The following AKAP6 variants were observed in gnomAD, a reference collection of about 807,000 sequenced individuals.
The protein encoded by AKAP6 is A-kinase anchoring protein 6.
In AKAP6, 58 loss-of-function variants were observed where a neutral mutation model predicts 188.5. That is an observed-to-expected ratio of 0.31 (90% CI 0.25 to 0.38). The LOEUF is 0.38. Ranked by LOEUF, AKAP6 falls within the 10% of genes least tolerant of loss-of-function variation. AKAP6 has a pLI of 1.00. For synonymous variants in AKAP6, 989 were observed against 998.6 expected (o/e 0.99, Z 0.18); for missense variants, 2,710 against 2,740.0 (o/e 0.99, Z 0.24).
intron 7 of AKAP6, among the ~76,000 whole-genome samples, chr14:32,677,531 T>A (rs1889484037): frequency 6.6e-6 from 1 of 152,192 alleles, no homozygotes; most frequent in South Asian, 2.1e-4. Context: ...GCCAAGCATG[T>A]CCCTGAGAAG....
In AKAP6 at chr14:32,696,757, C is replaced by G. The variant is rs188933466; in HGVS notation, c.3000+647C>G. 5.9e-5 allele frequency among the ~76,000 whole-genome samples: 9 copies of G among 151,538 alleles called. No individual in the cohort carries two copies. The East Asian group carries it at 1.6e-3, about 26-fold the overall frequency. On this transcript the variant is annotated intron_variant, in intron 9 of 13. Coordinates refer to ENST00000280979, the MANE Select transcript of AKAP6 (RefSeq NM_004274.5). ...ATTTTACCAATTCTACTTAAATAGT[C>G]TTAGCAGTTCTTATAAAGCAATCAT... is the stretch of plus-strand genomic sequence containing the variant.
At chr14:32,813,265 G>A (rs1041522537) in intron 12 of AKAP6, among the ~76,000 whole-genome samples, 1 of 152,032 alleles carries the variant, frequency 6.6e-6, no homozygotes, top group African/African-American at 2.4e-5. Context: ...GTAAGGGGGC[G>A]GGCAAAGCTT....
intron 1 of AKAP6, among the ~76,000 whole-genome samples, chr14:32,348,414 TTTC>T (rs1197311703): frequency 6.4e-4 from 42 of 65,810 alleles, no homozygotes; most frequent in African/African-American, 2.6e-3. Context: ...TTTTCTTTTG[TTTC>T]TTTTTTTTTT....
At chr14:32,695,261 T>G (rs1324138660) in intron 8 of AKAP6, among the ~76,000 whole-genome samples, 5 of 152,202 alleles carry the variant, frequency 3.3e-5, no homozygotes, top group African/African-American at 9.7e-5. Flanking sequence ...ATACTGGATC[T>G]GCCACTGGTT....
intron 12 of AKAP6, among the ~76,000 whole-genome samples, chr14:32,776,382 TTC>T (rs1194106699): frequency 3.9e-5 from 6 of 152,216 alleles, no homozygotes; most frequent in Non-Finnish European, 7.3e-5. Context: ...TTGGTTGTCA[TTC>T]TCTCTTGTCT....
At chr14:32,522,280 A>C (rs534945039) in intron 2 of AKAP6, among the ~76,000 whole-genome samples, 42 of 152,266 alleles carry the variant, frequency 2.8e-4, no homozygotes, top group Non-Finnish European at 5.7e-4. Flanking sequence ...AGGCATGGGC[A>C]AGTACTTCAT....
At chr14:32,368,615 TAGA>T (rs1441480947) in intron 1 of AKAP6, among the ~76,000 whole-genome samples, 13 of 151,986 alleles carry the variant, frequency 8.6e-5, no homozygotes, top group Non-Finnish European at 1.6e-4. Flanking sequence ...CGCAAAGGTC[TAGA>T]GGTGAGAAAG....
At chr14:32,466,021 A>G (rs572840253) in intron 2 of AKAP6, among the ~76,000 whole-genome samples, 1 of 152,368 alleles carries the variant, frequency 6.6e-6, no homozygotes, top group South Asian at 2.1e-4. Context: ...CAAAACCGTA[A>G]TGAGATACCA....
chr14:32,742,751 T>G (rs1045077799), intron 11 of AKAP6, among the ~76,000 whole-genome samples: 1 of 152,132 alleles, frequency 6.6e-6, no homozygotes, highest in Non-Finnish European at 1.5e-5. Context: ...TTATTTACTT[T>G]TTTTGGAATG....
rs568075153 is a variant in AKAP6, at chr14:32,495,028, C to T, written c.325-40526C>T. Reference sequence around the variant, plus strand: ...AACTTAGGTCAGTGCCTAAAATAACCCTGTTAATTGTGGGGGCACATGTGG... The same window carrying T: ...AACTTAGGTCAGTGCCTAAAATAACTCTGTTAATTGTGGGGGCACATGTGG... On this transcript the variant is annotated intron_variant, in intron 2 of 13. Transcript: ENST00000280979. The T allele has an allele frequency of 3.3e-5, 5 of 152,204 alleles. No individual in the cohort carries two copies. In the South Asian group the frequency reaches 1.0e-3, roughly 32 times the overall value. The allele number at this position is 152,204 out of a possible 1,614,324, so 9.4% of individuals were successfully genotyped here. A position where few individuals can be genotyped will look rare whatever the true frequency, so the allele number is the denominator to read the frequency against.
chr14:32,750,543 A>G (rs1216667734), intron 11 of AKAP6, among the ~76,000 whole-genome samples: 1 of 151,536 alleles, frequency 6.6e-6, no homozygotes, highest in Non-Finnish European at 1.5e-5. Context: ...GCAACATAGT[A>G]AGACCCCATC....
chr14:32,598,146 C>A (rs986046292), intron 5 of AKAP6, among the ~76,000 whole-genome samples: 1 of 152,164 alleles, frequency 6.6e-6, no homozygotes, highest in Non-Finnish European at 1.5e-5. Flanking sequence ...TGATTTACTT[C>A]TTTAACGCAA....
rs745703058 is a variant in AKAP6, at chr14:32,822,680, G to A, written c.4867G>A (p.Gly1623Ser). 1.9e-6 allele frequency: 3 copies of A among 1,613,990 alleles called. No individual in the cohort carries two copies. In the South Asian group the frequency reaches 3.3e-5, roughly 18 times the overall value. Residue 1623 changes from glycine to serine, a missense_variant, in exon 13 of 14, where the codon GGC (glycine) becomes AGC (serine). By Grantham distance (56) the Gly-to-Ser change is moderately conservative. This residue lies in a region of AKAP6 where 2,473 missense variants were observed against 2,426.1 expected (regional missense o/e 1.02). Transcript: ENST00000280979. ...HSSGDISVSS[G>S]SVGELSKRTL... Reference sequence around the variant, plus strand: ...CTCTGGGGATATAAGCGTGAGCAGTGGCTCAGTTGGTGAACTAAGTAAAAG... The same window carrying A: ...CTCTGGGGATATAAGCGTGAGCAGTAGCTCAGTTGGTGAACTAAGTAAAAG...
chr14:32,832,986 A>G lies in AKAP6; in HGVS notation c.*3181A>G, dbSNP rs892729152. 4 of 152,652 alleles carry G rather than the reference A, an allele frequency of 2.6e-5. No homozygotes were observed. Among genetic ancestry groups the G allele is most frequent in the African/African-American group, 9.6e-5 (4 of 41,454 alleles). The allele number at this position is 152,652 out of a possible 1,614,324, so 9.5% of individuals were successfully genotyped here. A position where few individuals can be genotyped will look rare whatever the true frequency, so the allele number is the denominator to read the frequency against. ...AAAGAATCTGAACATTTAAGTGCGA[A>G]GTTTTCTCTAGAAATATATTCAAGA... On this transcript the variant is annotated 3_prime_UTR_variant, in exon 14 of 14. Coordinates refer to ENST00000280979, the MANE Select transcript of AKAP6 (RefSeq NM_004274.5).
chr14:32,483,630 A>G (rs979434772), intron 2 of AKAP6, among the ~76,000 whole-genome samples: 2 of 152,080 alleles, frequency 1.3e-5, no homozygotes, highest in African/African-American at 2.4e-5. Flanking sequence ...GATTACAGGC[A>G]TATGCCACCA....
chr14:32,721,982 A>C (rs918963742), intron 9 of AKAP6, among the ~76,000 whole-genome samples: 5 of 152,164 alleles, frequency 3.3e-5, no homozygotes, highest in Admixed American at 2.0e-4. Context: ...GGAACCCACT[A>C]TCTCTCATGC....
At chr14:32,505,488 G>A (rs1880825366) in intron 2 of AKAP6, among the ~76,000 whole-genome samples, 1 of 151,832 alleles carries the variant, frequency 6.6e-6, no homozygotes, top group South Asian at 2.1e-4. Context: ...CAAAATTAAT[G>A]CAACCAAATC....
chr14:32,614,920 C>A (rs970105426), intron 7 of AKAP6, among the ~76,000 whole-genome samples: 1 of 151,770 alleles, frequency 6.6e-6, no homozygotes, highest in African/African-American at 2.4e-5. Flanking sequence ...CCTGTTATCC[C>A]AGCACTTTGG....
chr14:32,565,243 C>A (rs574142043), intron 4 of AKAP6, among the ~76,000 whole-genome samples: 1 of 152,112 alleles, frequency 6.6e-6, no homozygotes, highest in African/African-American at 2.4e-5. Flanking sequence ...GTTGAGAAAC[C>A]AAATTTATGA....
Sources: gnomAD v4.1 joint callset for allele counts (sites outside exome capture counted in the v4.1 genomes callset) on GRCh38, gnomAD v4.1.1 for gene constraint, gnomAD v4.1.1 regional missense constraint, MANE v1.5 for transcripts, NCBI Gene and HGNC (gene_info 2026-07-23, HGNC 2026-07-21) for gene names.